Variants in ZFYVE9 observed in about 807,000 individuals in gnomAD.
ZFYVE9 encodes zinc finger FYVE-type containing 9, also known as zinc finger FYVE domain-containing protein 9.
ZFYVE9 carries 43 observed loss-of-function variants against 126.7 expected under a neutral mutation model. The ratio of observed to expected loss-of-function variants is 0.34; its 90% confidence interval spans 0.27 to 0.44. The LOEUF is 0.44. Among genes scored for constraint, ZFYVE9 ranks in the 20% least tolerant of loss-of-function variants. The pLI is 1.00. For synonymous variants in ZFYVE9, 521 were observed against 597.4 expected (o/e 0.87, Z 1.87); for missense variants, 1,476 against 1,697.0 (o/e 0.87, Z 2.29).
chr1:52,333,245 C>T (rs1004144638), intron 14 of ZFYVE9, among the ~76,000 whole-genome samples: 14 of 151,028 alleles, frequency 9.3e-5, no homozygotes, highest in Admixed American at 8.6e-4. Context: ...TGTAACAAAC[C>T]TGCATGTTGT....
intron 6 of ZFYVE9, among the ~76,000 whole-genome samples, chr1:52,268,034 A>T (rs1645650881): frequency 6.6e-6 from 1 of 152,150 alleles, no homozygotes; most frequent in South Asian, 2.1e-4. Flanking sequence ...AAAGTACCAT[A>T]TCACTTTACC....
At chr1:52,272,671 A>ACCT (rs1162973754) in intron 7 of ZFYVE9, among the ~76,000 whole-genome samples, 1 of 134,850 alleles carries the variant, frequency 7.4e-6, no homozygotes, top group African/African-American at 3.3e-5. Context: ...GCTAGAAATA[A>ACCT]TCTTTTTTTT....
chr1:52,162,903 T>C, intron 1 of ZFYVE9: 1 of 511,642 alleles, frequency 2.0e-6, no homozygotes, highest in Non-Finnish European at 3.7e-6. Context: ...TGAAAACCCT[T>C]GAAGGACTAC....
chr1:52,206,358 T>C (rs1644977949), intron 1 of ZFYVE9, among the ~76,000 whole-genome samples: 1 of 152,198 alleles, frequency 6.6e-6, no homozygotes, highest in South Asian at 2.1e-4. Context: ...GGTAGACAGT[T>C]CTATAATTCT....
intron 5 of ZFYVE9, among the ~76,000 whole-genome samples, chr1:52,264,954 T>G (rs1310822747): frequency 6.6e-6 from 1 of 152,248 alleles, no homozygotes; most frequent in Non-Finnish European, 1.5e-5. Context: ...TGATTTTTAT[T>G]CTGCTGCTTT....
At position 52,160,254 on chromosome 1, in the gene ZFYVE9, T is replaced by C. The variant is rs1644444061; in HGVS notation, c.-143+17851T>C. Reference sequence around the variant, plus strand: ...CGACAGGATGGACTTTATTTTTCTCTTTTCAATTAAATCTTTACAACAGTT... The same window carrying C: ...CGACAGGATGGACTTTATTTTTCTCCTTTCAATTAAATCTTTACAACAGTT... On this transcript the variant is annotated intron_variant, in intron 1 of 18. Transcript: ENST00000287727. 3.4e-6 allele frequency: 3 copies of C among 880,758 alleles called. No individual in the cohort carries two copies. The South Asian group carries it at 4.0e-5, about 12-fold the overall frequency. 54.6% of individuals were successfully genotyped at this position (880,758 alleles called of 1,614,324 possible). A position where few individuals can be genotyped will look rare whatever the true frequency, so the allele number is the denominator to read the frequency against.
chr1:52,332,967 A>G, intron 14 of ZFYVE9, 49 bp downstream of exon 14: 2 of 1,609,744 alleles, frequency 1.2e-6, no homozygotes, highest in Non-Finnish European at 1.7e-6. Flanking sequence ...ATTATACTGG[A>G]CTTGGACAGT....
At chr1:52,345,295 A>G (rs957745286) in intron 18 of ZFYVE9, among the ~76,000 whole-genome samples, 4 of 152,084 alleles carry the variant, frequency 2.6e-5, no homozygotes, top group Admixed American at 6.6e-5. Context: ...GCTCCGAGTC[A>G]CTTGGAACTT....
rs147328110 is a variant in ZFYVE9 at position 52,165,391 on chromosome 1, A to G, written c.-143+22988A>G. 1.6e-4 allele frequency among the ~76,000 whole-genome samples: 24 copies of G among 152,290 alleles called. No homozygotes were observed. In the East Asian group the frequency reaches 4.1e-3, roughly 26 times the overall value. ...GGAGGGGCCTCATTGAGATCTTTCA[A>G]TATGAATTAGAGAAAAGGAAGGGGA... On this transcript the variant is annotated intron_variant, in intron 1 of 18. Coordinates refer to ENST00000287727, the MANE Select transcript of ZFYVE9 (RefSeq NM_004799.4).
At chr1:52,180,045 A>C in intron 1 of ZFYVE9, 4 of 834,246 alleles carry the variant, frequency 4.8e-6, no homozygotes, top group Non-Finnish European at 8.5e-6. Flanking sequence ...TGAATGTGCT[A>C]TTGAAATGTA....
rs184358035 is a variant in ZFYVE9, at chr1:52,301,377, C to T, written c.3334-2444C>T. ...AGTGCAGTGGCACAATCACGGCTCA[C>T]TGCACCCTTGACCCACAGGGCTCAG... On this transcript the variant is annotated intron_variant, in intron 12 of 18. Transcript: ENST00000287727. Among the ~76,000 whole-genome samples, 477 of 141,196 alleles carry T rather than the reference C, an allele frequency of 3.4e-3. 2 individuals carry two copies. Among genetic ancestry groups the T allele is most frequent in the Admixed American group, 3.7e-3 (49 of 13,300 alleles). 92.6% of individuals were successfully genotyped at this position (141,196 alleles called of 152,430 possible).
At chr1:52,290,921 CA>C (rs1212819122) in intron 10 of ZFYVE9, among the ~76,000 whole-genome samples, 1 of 152,260 alleles carries the variant, frequency 6.6e-6, no homozygotes, top group Non-Finnish European at 1.5e-5. Context: ...TCCCATTTTA[CA>C]TGGACATTGA....
In ZFYVE9 at chr1:52,295,950, G is replaced by A. The variant is rs775290408; in HGVS notation, c.3306G>A (p.Thr1102=). 8 of 1,613,558 alleles carry A rather than the reference G, an allele frequency of 5.0e-6. No individual in the cohort carries two copies. The highest frequency in any genetic ancestry group is 1.7e-4 in the Middle Eastern group (1 of 6,060). ...TTCGGAAGCCATTGTTTGGAGAGAC[G>A]GGGCATACCATCATGAATCTTCTTG... ...VRFRKPLFGE[T]GHTIMNLLAD... The change falls in exon 12 of 19, where the codon ACG becomes ACA. Residue 1102 remains threonine (T), a synonymous_variant. Transcript: ENST00000287727.
intron 1 of ZFYVE9, among the ~76,000 whole-genome samples, chr1:52,201,837 G>A (rs1325970469): frequency 5.9e-5 from 9 of 151,898 alleles, no homozygotes; most frequent in Admixed American, 5.9e-4. Context: ...AGGCTGGAGT[G>A]CAGTGGCACG....
At chr1:52,186,990 A>C (rs528235719) in intron 1 of ZFYVE9, among the ~76,000 whole-genome samples, 197 of 152,326 alleles carry the variant, frequency 1.3e-3, no homozygotes, top group Non-Finnish European at 2.6e-3. Context: ...ATATGGAACC[A>C]AAAAAGAGCC....
At chr1:52,324,284 CA>C (rs1345057768) in intron 13 of ZFYVE9, among the ~76,000 whole-genome samples, 1 of 151,672 alleles carries the variant, frequency 6.6e-6, no homozygotes, top group Admixed American at 6.6e-5. Flanking sequence ...AAAACAAAAA[CA>C]AAAACAAAAC....
chr1:52,329,245 C>G (rs954252578), intron 13 of ZFYVE9, among the ~76,000 whole-genome samples: 1 of 152,112 alleles, frequency 6.6e-6, no homozygotes, highest in South Asian at 2.1e-4. Flanking sequence ...AATAGCCCTT[C>G]GTGGATGTTC....
chr1:52,195,320 A>G (rs920995554), intron 1 of ZFYVE9, among the ~76,000 whole-genome samples: 2 of 152,220 alleles, frequency 1.3e-5, no homozygotes, highest in Non-Finnish European at 2.9e-5. Context: ...AGAATCTGAG[A>G]CGTGAAACCA....
At chr1:52,146,471 C>G (rs55947700) in intron 1 of ZFYVE9, among the ~76,000 whole-genome samples, 5,426 of 152,186 alleles carry the variant, frequency 0.036, 236 homozygotes, top group African/African-American at 0.11. Flanking sequence ...GATTTTATAG[C>G]CTGCCAGTCT....
Sources: gnomAD v4.1 joint callset for allele counts (sites outside exome capture counted in the v4.1 genomes callset) on GRCh38, gnomAD v4.1.1 for gene constraint, MANE v1.5 for transcripts, NCBI Gene and HGNC (gene_info 2026-07-23, HGNC 2026-07-21) for gene names.